The following EYA2 variants were observed in gnomAD, a reference collection of about 807,000 sequenced individuals.
EYA2 encodes the protein EYA transcriptional coactivator and phosphatase 2.
In EYA2, 31 loss-of-function variants were observed where a neutral mutation model predicts 69.2. That is an observed-to-expected ratio of 0.45 (90% CI 0.34 to 0.60). The LOEUF (loss-of-function observed/expected upper bound fraction) is 0.60. EYA2 is among the 20% of genes least tolerant of loss of function. The pLI, the probability that EYA2 is intolerant of heterozygous loss-of-function variation, is 0.02. For missense variants in EYA2, 622 were observed against 701.2 expected (o/e 0.89, Z 1.28); for synonymous variants, 257 against 279.4 (o/e 0.92, Z 0.80).
intron 1 of EYA2, among the ~76,000 whole-genome samples, chr20:46,935,483 G>A (rs981841211): frequency 3.3e-5 from 5 of 152,194 alleles, no homozygotes; most frequent in African/African-American, 1.2e-4. Context: ...TATTGTTACT[G>A]TGACTGTCTT....
chr20:47,043,846 T>C (rs1022312847), intron 5 of EYA2, among the ~76,000 whole-genome samples: 1 of 152,234 alleles, frequency 6.6e-6, no homozygotes, highest in African/African-American at 2.4e-5. Context: ...ACCTTCCCAA[T>C]CAATGTTGAG....
intron 1 of EYA2, among the ~76,000 whole-genome samples, chr20:46,923,990 T>G (rs534892054): frequency 6.6e-6 from 1 of 152,318 alleles, no homozygotes; most frequent in Non-Finnish European, 1.5e-5. Flanking sequence ...AAACACTTGC[T>G]AATTCTCTTT....
intron 1 of EYA2, among the ~76,000 whole-genome samples, chr20:46,954,748 G>A (rs929910338): frequency 6.6e-6 from 1 of 152,300 alleles, no homozygotes; most frequent in East Asian, 1.9e-4. Flanking sequence ...CGTTCTGCTC[G>A]AGACTGTGAG....
At chr20:47,002,086 A>G (rs1982417801) in intron 3 of EYA2, among the ~76,000 whole-genome samples, 1 of 149,322 alleles carries the variant, frequency 6.7e-6, no homozygotes, top group Non-Finnish European at 1.5e-5. Flanking sequence ...CCTTCTTTCT[A>G]TCCTTATTTT....
At chr20:47,129,597 A>G (rs1247956214) in intron 9 of EYA2, among the ~76,000 whole-genome samples, 1 of 152,176 alleles carries the variant, frequency 6.6e-6, no homozygotes, top group Non-Finnish European at 1.5e-5. Flanking sequence ...AGTGGGTTTT[A>G]AGTGAAAAGC....
intron 1 of EYA2, among the ~76,000 whole-genome samples, chr20:46,921,711 A>G (rs1368187989): frequency 6.6e-6 from 1 of 152,240 alleles, no homozygotes; most frequent in African/African-American, 2.4e-5. Context: ...CTGAAACTAA[A>G]GGCAACTCAA....
At chr20:47,177,018 G>C (rs969102647) in intron 12 of EYA2, among the ~76,000 whole-genome samples, 2 of 152,066 alleles carry the variant, frequency 1.3e-5, no homozygotes, top group African/African-American at 4.8e-5. Flanking sequence ...GGCTGATCTC[G>C]AACTCCTGAC....
chr20:47,018,465 T>C (rs1309134529), intron 5 of EYA2, among the ~76,000 whole-genome samples: 2 of 152,198 alleles, frequency 1.3e-5, no homozygotes, highest in African/African-American at 4.8e-5. Context: ...TGATAAAGCC[T>C]GTGACAGACA....
In EYA2 at chr20:47,185,276, C is replaced by CTTTTTT. The variant is rs765083065; in HGVS notation, c.1536+1922_1536+1927dup. Among the ~76,000 whole-genome samples, 151 of 55,930 alleles carry CTTTTTT rather than the reference C, an allele frequency of 2.7e-3. 20 individuals are homozygous for CTTTTTT. Among genetic ancestry groups the CTTTTTT allele is most frequent in the Admixed American group, 3.8e-3 (14 of 3,642 alleles). 36.7% of individuals were successfully genotyped at this position (55,930 alleles called of 152,430 possible). A position where few individuals can be genotyped will look rare whatever the true frequency, so the allele number is the denominator to read the frequency against. On this transcript the variant is annotated intron_variant, in intron 15 of 15. Transcript: ENST00000327619. ...CTCTCCCAGAAAAATGAATCACACTCTTTTTTTTTTTTTTTTTTTTTTTTT... is the reference window on the plus strand; with the variant it reads ...CTCTCCCAGAAAAATGAATCACACTCTTTTTTTTTTTTTTTTTTTTTTTTTTTTTTT...
intron 4 of EYA2, among the ~76,000 whole-genome samples, chr20:47,007,090 C>T (rs1982765558): frequency 6.6e-6 from 1 of 151,844 alleles, no homozygotes; most frequent in Admixed American, 6.6e-5. Context: ...CTACTGCGCC[C>T]TGCTAATTTT....
chr20:47,136,561 T>G (rs1359538168), intron 9 of EYA2, among the ~76,000 whole-genome samples: 2 of 151,960 alleles, frequency 1.3e-5, no homozygotes, highest in African/African-American at 4.8e-5. Context: ...CTGGGCCACA[T>G]AGCAAGACCC....
intron 5 of EYA2, among the ~76,000 whole-genome samples, chr20:47,034,489 T>C (rs973231688): frequency 5.9e-5 from 9 of 152,126 alleles, no homozygotes; most frequent in African/African-American, 2.2e-4. Flanking sequence ...CTTGCATAAG[T>C]GTGCAAGTGG....
chr20:47,069,579 A>G (rs1049591508), intron 5 of EYA2, among the ~76,000 whole-genome samples: 1 of 152,198 alleles, frequency 6.6e-6, no homozygotes, highest in African/African-American at 2.4e-5. Flanking sequence ...TAAAGTCCAG[A>G]AATAAACCTT....
At chr20:47,157,349 G>A (rs575793468) in intron 10 of EYA2, among the ~76,000 whole-genome samples, 13 of 77,218 alleles carry the variant, frequency 1.7e-4, no homozygotes, top group African/African-American at 4.9e-4. Flanking sequence ...GCAAGACTCC[G>A]TCTCAAAAAA....
At chr20:47,046,634 T>C (rs2030053882) in intron 5 of EYA2, among the ~76,000 whole-genome samples, 1 of 152,076 alleles carries the variant, frequency 6.6e-6, no homozygotes, top group African/African-American at 2.4e-5. Context: ...TAGCCAAGCG[T>C]GTATGGATTT....
intron 11 of EYA2, among the ~76,000 whole-genome samples, chr20:47,169,826 C>T (rs577377365): frequency 6.6e-6 from 1 of 152,288 alleles, no homozygotes; most frequent in Admixed American, 6.5e-5. Flanking sequence ...ACGTGCTTCT[C>T]CTCCTCCAGC....
At chr20:47,152,514 TAGAAACTAGGGGTGGGGCCAGGCATGGTG>T (rs2033842707) in intron 10 of EYA2, among the ~76,000 whole-genome samples, 1 of 151,830 alleles carries the variant, frequency 6.6e-6, no homozygotes, top group South Asian at 2.1e-4. Flanking sequence ...GGGGGCGCAT[TAGAAACTAGGGGTGGGGCCAGGCATGGTG>T]GCTCACGCCA....
At chr20:46,979,930 A>G (rs1282957905) in intron 1 of EYA2, 1 of 152,228 alleles carries the variant, frequency 6.6e-6, no homozygotes, top group Non-Finnish European at 1.5e-5. Flanking sequence ...ATCTTATAGA[A>G]CTGAGGCTCA....
At chr20:47,152,628 T>C (rs2146615871) in intron 10 of EYA2, among the ~76,000 whole-genome samples, 1 of 151,630 alleles carries the variant, frequency 6.6e-6, no homozygotes, top group African/African-American at 2.4e-5. Context: ...CTGGCCAACA[T>C]GGTGAAACCC....
Sources: gnomAD v4.1 joint callset for allele counts (sites outside exome capture counted in the v4.1 genomes callset) on GRCh38, gnomAD v4.1.1 for gene constraint, MANE v1.5 for transcripts, NCBI Gene and HGNC (gene_info 2026-07-23, HGNC 2026-07-21) for gene names.